Variants in UGGT2 observed in about 807,000 individuals in gnomAD.
UGGT2 encodes the protein UDP-glucose:glycoprotein glucosyltransferase 2.
In UGGT2, 180 loss-of-function variants were observed where a neutral mutation model predicts 192.1. That is an observed-to-expected ratio of 0.94 (90% confidence interval 0.83 to 1.06). UGGT2 has a LOEUF of 1.06. Among genes scored for constraint, UGGT2 ranks in the 50% least tolerant of loss-of-function variants. The pLI, the probability that UGGT2 is intolerant of heterozygous loss-of-function variation, is 0.00. For missense variants in UGGT2, 1,849 were observed against 1,795.7 expected, an observed-to-expected ratio of 1.03 and a Z score of -0.54; for synonymous variants, 580 against 591.0, an observed-to-expected ratio of 0.98 and a Z score of 0.27.
Position 95,827,489 on chromosome 13 carries a change from C to T in UGGT2, c.4528+5438G>A, listed in dbSNP as rs566098184. Among the ~76,000 whole-genome samples, 11 of 152,222 alleles carry T rather than the reference C, an allele frequency of 7.2e-5. No individual in the cohort carries two copies. The East Asian group carries it at 1.9e-3, about 27-fold the overall frequency. ...AGAGACGTCTGTGTTAAATTCTTTC[C>T]TCGCAGCCCTCAGAAGGTATCAACC... On this transcript the variant is annotated intron_variant, in intron 38 of 38. Transcript: ENST00000376747.
intron 12 of UGGT2, among the ~76,000 whole-genome samples, chr13:95,960,084 C>T (rs567429963): frequency 1.1e-4 from 16 of 152,184 alleles, no homozygotes; most frequent in Non-Finnish European, 1.8e-4. Context: ...ATGCAACTAA[C>T]ACCATAAATG....
At chr13:95,946,341 T>C (rs2049866820) in intron 15 of UGGT2, among the ~76,000 whole-genome samples, 1 of 152,192 alleles carries the variant, frequency 6.6e-6, no homozygotes. Flanking sequence ...GTTTATATGC[T>C]ATGTCATTCA....
chr13:96,049,809 A>G (rs1296394271), intron 1 of UGGT2, among the ~76,000 whole-genome samples: 2 of 152,204 alleles, frequency 1.3e-5, no homozygotes, highest in African/African-American at 4.8e-5. Flanking sequence ...ACTACAAACC[A>G]CTGCTCAAAA....
rs2052407363 is a variant in UGGT2 at position 96,018,487 on chromosome 13, G to T, written c.485+4553C>A. 3.9e-5 allele frequency among the ~76,000 whole-genome samples: 6 copies of T among 152,210 alleles called. No individual in the cohort carries two copies. The South Asian group carries it at 1.2e-3, about 32-fold the overall frequency. ...GCCAAGACTGCACCACTGCACTCTAGCCTGGGCACTAGAGTGAGACCTTGT... is the reference window on the plus strand; with the variant it reads ...GCCAAGACTGCACCACTGCACTCTATCCTGGGCACTAGAGTGAGACCTTGT... On this transcript the variant is annotated intron_variant, in intron 4 of 38. Coordinates refer to ENST00000376747, the MANE Select transcript of UGGT2 (RefSeq NM_020121.4).
At chr13:95,948,853 T>A (rs1279130548) in intron 13 of UGGT2, among the ~76,000 whole-genome samples, 1 of 152,208 alleles carries the variant, frequency 6.6e-6, no homozygotes, top group Non-Finnish European at 1.5e-5. Context: ...GTAGTTCTCA[T>A]AATCCCCATG....
chr13:96,023,148 G>A lies in UGGT2; in HGVS notation c.377C>T (p.Ala126Val). 1 of 1,572,394 alleles carries A rather than the reference G, an allele frequency of 6.4e-7. No homozygotes were observed. Among genetic ancestry groups the A allele is most frequent in the South Asian group, 1.2e-5 (1 of 81,900 alleles). Residue 126 changes from alanine to valine, a missense_variant, in exon 4 of 39, where the codon GCA becomes GTA. Transcript: ENST00000376747. ...ACCATCTGGTGGTGGCTCATCAGCT[G>A]CAATCTAAGATTTCAAAGATTATAT... ...SPAIQMFQQI[A>V]ADEPPPDGCN... is the part of the protein sequence containing the mutation.
Position 95,863,699 on chromosome 13 carries a change from C to G in UGGT2, c.3574G>C (p.Asp1192His). Residue 1192 changes from aspartate (D) to histidine (H), a missense_variant, in exon 31 of 39, where the codon GAC becomes CAC. Asp to His is a moderately conservative substitution (Grantham distance 81). Coordinates refer to ENST00000376747, the MANE Select transcript of UGGT2 (RefSeq NM_020121.4). ...ILKVKVKKET[D>H]KIKEDILTDE... is the part of the protein sequence containing the mutation. ...GTAAGGATATCTTCCTTAATTTTGT[C>G]TGTTTCTTTTTTCACCTAGATAGCA... is the stretch of plus-strand genomic sequence containing the variant. 1 of 1,612,404 alleles carries G rather than the reference C, an allele frequency of 6.2e-7. No individual in the cohort carries two copies. The highest frequency in any genetic ancestry group is 2.2e-5 in the East Asian group (1 of 44,730).
At chr13:95,858,670 C>CTA (rs1284733665) in intron 33 of UGGT2, among the ~76,000 whole-genome samples, 2 of 152,086 alleles carry the variant, frequency 1.3e-5, no homozygotes, top group African/African-American at 4.8e-5. Flanking sequence ...TGTCCTTTTG[C>CTA]TATAAAAACT....
chr13:95,811,080 T>G (rs1002328277), intron 38 of UGGT2, among the ~76,000 whole-genome samples: 4 of 152,146 alleles, frequency 2.6e-5, no homozygotes, highest in Non-Finnish European at 5.9e-5. Context: ...CACTATGATA[T>G]TTTTAATCAA....
chr13:95,976,290 T>C (rs776439381), intron 10 of UGGT2, among the ~76,000 whole-genome samples: 4 of 152,190 alleles, frequency 2.6e-5, no homozygotes, highest in South Asian at 2.1e-4. Context: ...ATTGTGTCTA[T>C]GTACCAAATT....
intron 22 of UGGT2, among the ~76,000 whole-genome samples, chr13:95,896,903 T>C (rs2047962646): frequency 6.6e-6 from 1 of 152,132 alleles, no homozygotes; most frequent in Non-Finnish European, 1.5e-5. Context: ...AGAAATGCAT[T>C]ACTTCATTTG....
chr13:95,999,382 TG>T (rs995106505), intron 5 of UGGT2, 75 bp from the exon 6 acceptor site: 11 of 1,342,952 alleles, frequency 8.2e-6, no homozygotes, highest in Non-Finnish European at 1.1e-5. Flanking sequence ...AGTACCACGA[TG>T]TATTTGGACA....
intron 5 of UGGT2, among the ~76,000 whole-genome samples, chr13:96,011,433 C>T (rs1399872587): frequency 6.6e-6 from 1 of 151,966 alleles, no homozygotes; most frequent in Non-Finnish European, 1.5e-5. Flanking sequence ...CAGACAACTT[C>T]ATTAGTCATT....
At chr13:95,833,387 G>A (rs1333319953) in intron 37 of UGGT2, among the ~76,000 whole-genome samples, 1 of 152,102 alleles carries the variant, frequency 6.6e-6, no homozygotes, top group Non-Finnish European at 1.5e-5. Context: ...GCAGACTAGT[G>A]TGCTTTGTAG....
chr13:95,978,292 T>C (rs1159095225), intron 10 of UGGT2, among the ~76,000 whole-genome samples: 1 of 152,206 alleles, frequency 6.6e-6, no homozygotes, highest in Non-Finnish European at 1.5e-5. Flanking sequence ...TGACGATTAG[T>C]GATGGTGAGC....
chr13:95,983,963 A>G, intron 9 of UGGT2, 99 bp from the exon 10 acceptor site: 1 of 730,570 alleles, frequency 1.4e-6, no homozygotes, highest in South Asian at 3.4e-5. Context: ...AGAAGCTAAA[A>G]ACTCCAAATC....
At chr13:95,931,409 C>T (rs948486092) in intron 17 of UGGT2, among the ~76,000 whole-genome samples, 2 of 152,096 alleles carry the variant, frequency 1.3e-5, no homozygotes, top group African/African-American at 4.8e-5. Context: ...GCAGGGGGAG[C>T]TGCCCGCCAC....
At chr13:95,944,761 T>TG (rs2049808094) in intron 15 of UGGT2, among the ~76,000 whole-genome samples, 1 of 152,014 alleles carries the variant, frequency 6.6e-6, no homozygotes, top group Non-Finnish European at 1.5e-5. Context: ...CCTCTTCTGT[T>TG]TTGAATGCAA....
chr13:95,973,592 A>T (rs72636580), intron 10 of UGGT2, among the ~76,000 whole-genome samples: 2,314 of 152,318 alleles, frequency 0.015, 17 homozygotes, highest in Non-Finnish European at 0.024. Flanking sequence ...ACATTTCCTG[A>T]GTGCCTGCTA....
Sources: allele counts gnomAD v4.1 joint callset (sites outside exome capture counted in the v4.1 genomes callset), GRCh38; gene constraint gnomAD v4.1.1; transcripts MANE v1.5; gene names NCBI Gene and HGNC (gene_info 2026-07-23, HGNC 2026-07-21).